ERBIN: variants seen among roughly 807,000 people sequenced by gnomAD.
ERBIN encodes the protein erbb2 interacting protein.
ERBIN carries 60 observed loss-of-function variants against 158.4 expected under a neutral mutation model. The observed-to-expected ratio is 0.38, with a 90% CI of 0.31 to 0.47. The LOEUF (loss-of-function observed/expected upper bound fraction) is 0.47, where lower values mean the gene tolerates loss of function less well. Ranked by LOEUF, ERBIN falls within the 20% of genes least tolerant of loss-of-function variation. The pLI, the probability that ERBIN is intolerant of heterozygous loss-of-function variation, is 0.99. For missense variants in ERBIN, 1,610 were observed against 1,648.0 expected (o/e 0.98, Z 0.40); for synonymous variants, 594 against 557.2 (o/e 1.07, Z -0.93).
chr5:65,940,615 C>G (rs1744828425), intron 1 of ERBIN, among the ~76,000 whole-genome samples: 3 of 142,014 alleles, frequency 2.1e-5, no homozygotes, highest in African/African-American at 8.2e-5. Context: ...GCCCCTCTGC[C>G]CGGCCAGCCG....
At chr5:65,933,090 C>T (rs1373978020) in intron 1 of ERBIN, among the ~76,000 whole-genome samples, 17 of 152,210 alleles carry the variant, frequency 1.1e-4, no homozygotes, top group African/African-American at 4.8e-5. Context: ...CTGCACCTGG[C>T]CCAATTTTGG....
At chr5:65,958,671 G>C (rs1747566777) in intron 1 of ERBIN, among the ~76,000 whole-genome samples, 1 of 151,536 alleles carries the variant, frequency 6.6e-6, no homozygotes, top group Admixed American at 6.6e-5. Context: ...GGAGGGGGAG[G>C]GGGAGGGAAA....
intron 1 of ERBIN, among the ~76,000 whole-genome samples, chr5:65,977,244 G>A (rs1458431768): frequency 6.8e-6 from 1 of 147,018 alleles, no homozygotes. Flanking sequence ...CCGGGCGGGG[G>A]GCTGACCCCC....
intron 1 of ERBIN, among the ~76,000 whole-genome samples, chr5:65,986,931 G>A (rs778401232): frequency 6.6e-6 from 1 of 152,092 alleles, no homozygotes; most frequent in Non-Finnish European, 1.5e-5. Context: ...TCCTCTGTCA[G>A]TCTTATTTAT....
At chr5:66,020,791 T>C (rs1232962847) in intron 7 of ERBIN, among the ~76,000 whole-genome samples, 1 of 152,004 alleles carries the variant, frequency 6.6e-6, no homozygotes, top group Non-Finnish European at 1.5e-5. Context: ...AACTACTAAT[T>C]TGTGATTCAT....
At position 66,048,709 on chromosome 5, in the gene ERBIN, G is replaced by A; in HGVS notation, c.1831G>A (p.Glu611Lys). Residue 611 changes from glutamate (E) to lysine (K), a missense_variant, in exon 19 of 26, where the codon GAG (glutamate) becomes AAG (lysine). By Grantham distance (56) the Glu-to-Lys change is moderately conservative. Transcript: ENST00000284037. Reference sequence around the variant, plus strand: ...TTCTGATGAAGAGATGAAAATGGCGGAGATGCGACCACCATTAATTGAAAC... The same window carrying A: ...TTCTGATGAAGAGATGAAAATGGCGAAGATGCGACCACCATTAATTGAAAC... The part of the protein sequence containing the change: ...LSSDEEMKMA[E>K]MRPPLIETSI... 6.2e-7 allele frequency: 1 copy of A among 1,608,822 alleles called. No homozygotes were observed. The highest frequency in any genetic ancestry group is 8.5e-7 in the Non-Finnish European group (1 of 1,177,510).
intron 1 of ERBIN, among the ~76,000 whole-genome samples, chr5:65,958,067 C>T (rs980305658): frequency 6.6e-6 from 1 of 151,330 alleles, no homozygotes; most frequent in Admixed American, 6.6e-5. Flanking sequence ...CGATGGGCGG[C>T]AGGGCAGAGA....
chr5:65,969,612 T>C (rs1561310691), intron 1 of ERBIN, among the ~76,000 whole-genome samples: 1 of 152,224 alleles, frequency 6.6e-6, no homozygotes, highest in Non-Finnish European at 1.5e-5. Flanking sequence ...GAATTTTCAG[T>C]GATTTATTGG....
intron 1 of ERBIN, among the ~76,000 whole-genome samples, chr5:65,983,201 C>T (rs1026610218): frequency 2.0e-5 from 3 of 152,120 alleles, no homozygotes; most frequent in Non-Finnish European, 2.9e-5. Flanking sequence ...AAATAATACC[C>T]AGCTTTCTTC....
At chr5:66,057,587 C>T (rs976305797) in intron 21 of ERBIN, among the ~76,000 whole-genome samples, 55 of 152,144 alleles carry the variant, frequency 3.6e-4, no homozygotes, top group African/African-American at 1.3e-3. Flanking sequence ...TTTTAGGATA[C>T]ATGTGCACAA....
At chr5:65,949,557 A>G (rs771474185) in intron 1 of ERBIN, among the ~76,000 whole-genome samples, 5 of 152,226 alleles carry the variant, frequency 3.3e-5, no homozygotes, top group East Asian at 1.9e-4. Flanking sequence ...CTTTTTCACA[A>G]TAAGTTAAAT....
intron 1 of ERBIN, among the ~76,000 whole-genome samples, chr5:65,947,865 G>T (rs911945704): frequency 6.6e-6 from 1 of 152,026 alleles, no homozygotes; most frequent in Non-Finnish European, 1.5e-5. Context: ...AAATTAGCCA[G>T]GCATGGTGGC....
At chr5:66,048,159 T>TA (rs1561422229) in intron 18 of ERBIN, among the ~76,000 whole-genome samples, 1 of 151,732 alleles carries the variant, frequency 6.6e-6, no homozygotes, top group African/African-American at 2.4e-5. Flanking sequence ...CTGAATAACA[T>TA]AAAATGTTAT....
At chr5:66,035,884 G>A (rs548515062) in intron 14 of ERBIN, among the ~76,000 whole-genome samples, 9 of 151,992 alleles carry the variant, frequency 5.9e-5, no homozygotes, top group Non-Finnish European at 1.2e-4. Flanking sequence ...GCTTGAGGCC[G>A]GGAGTTTGAG....
chr5:66,069,604 C>T (rs56242376), intron 21 of ERBIN, among the ~76,000 whole-genome samples: 9,138 of 152,196 alleles, frequency 0.06, 971 homozygotes, highest in African/African-American at 0.21. Context: ...AACCAAAATT[C>T]AGTGTGGGGG....
chr5:66,081,636 A>T lies in ERBIN; in HGVS notation c.*3106A>T, dbSNP rs1446013374. 6.6e-6 allele frequency: 1 copy of T among 152,064 alleles called. No homozygotes were observed. The highest frequency in any genetic ancestry group is 1.5e-5 in the Non-Finnish European group (1 of 67,960). 9.4% of individuals were successfully genotyped at this position (152,064 alleles called of 1,614,324 possible). On this transcript the variant is annotated 3_prime_UTR_variant, in exon 26 of 26. Coordinates refer to ENST00000284037, the MANE Select transcript of ERBIN (RefSeq NM_001253697.2). ...TTTTTTTTTAGCATTAAAACCCTGT[A>T]TATCTAGGTGTGGAAGAAGTGTAGT...
At chr5:65,998,643 T>A (rs779640484) in intron 4 of ERBIN, among the ~76,000 whole-genome samples, 1 of 152,148 alleles carries the variant, frequency 6.6e-6, no homozygotes, top group Admixed American at 6.5e-5. Context: ...ACACCTGTAA[T>A]CCCAGCACTT....
intron 4 of ERBIN, among the ~76,000 whole-genome samples, chr5:65,999,979 T>G (rs1752858280): frequency 6.6e-6 from 1 of 152,232 alleles, no homozygotes; most frequent in African/African-American, 2.4e-5. Context: ...TAAAGGAGTA[T>G]CTCTACATAT....
intron 1 of ERBIN, among the ~76,000 whole-genome samples, chr5:65,954,026 C>T (rs146458653): frequency 3.3e-3 from 496 of 151,970 alleles, no homozygotes; most frequent in South Asian, 0.01. Flanking sequence ...CTCTACTCTC[C>T]TACCCGCTAC....
Sources: gnomAD v4.1 joint callset for allele counts (sites outside exome capture counted in the v4.1 genomes callset) on GRCh38, gnomAD v4.1.1 for gene constraint, MANE v1.5 for transcripts, NCBI Gene and HGNC (gene_info 2026-07-23, HGNC 2026-07-21) for gene names.